ADGRV1: variants seen among roughly 807,000 people sequenced by gnomAD.
The protein encoded by ADGRV1 is G-protein coupled receptor 98.
ADGRV1 carries 359 observed loss-of-function variants against 596.2 expected under a neutral mutation model. That is an observed-to-expected ratio of 0.60 (90% confidence interval 0.55 to 0.66). The LOEUF (loss-of-function observed/expected upper bound fraction) is 0.66. Ranked by LOEUF, ADGRV1 falls within the 30% of genes least tolerant of loss-of-function variation. ADGRV1 has a pLI of 0.00. For missense variants in ADGRV1, 7,274 were observed against 7,575.6 expected (o/e 0.96, Z 1.48); for synonymous variants, 2,681 against 2,679.2 (o/e 1.00, Z -0.02).
intron 1 of ADGRV1, among the ~76,000 whole-genome samples, chr5:90,591,600 T>C (rs1332955219): frequency 1.3e-5 from 2 of 152,154 alleles, no homozygotes; most frequent in African/African-American, 2.4e-5. Context: ...GCATAATTGC[T>C]AATGGCTCAA....
intron 37 of ADGRV1, among the ~76,000 whole-genome samples, chr5:90,705,833 T>A (rs769598773): frequency 6.6e-5 from 10 of 151,864 alleles, no homozygotes; most frequent in Non-Finnish European, 1.3e-4. Flanking sequence ...GTGGGTCTAC[T>A]AATCTACACT....
chr5:90,961,612 T>G (rs1195228705), intron 83 of ADGRV1, among the ~76,000 whole-genome samples: 1 of 151,438 alleles, frequency 6.6e-6, no homozygotes, highest in Non-Finnish European at 1.5e-5. Context: ...CACTGAGAAT[T>G]GAGGTTTATA....
chr5:90,621,856 T>A (rs1008813946), intron 4 of ADGRV1, among the ~76,000 whole-genome samples: 2 of 152,188 alleles, frequency 1.3e-5, no homozygotes, highest in African/African-American at 4.8e-5. Context: ...ATAGCAACAT[T>A]TACTGTGCCC....
In ADGRV1 at chr5:90,875,734, G is replaced by C. The variant is rs568124408; in HGVS notation, c.17856+11877G>C. 1.4e-4 allele frequency among the ~76,000 whole-genome samples: 22 copies of C among 152,274 alleles called. No homozygotes were observed. The South Asian group carries it at 3.9e-3, about 27-fold the overall frequency. On this transcript the variant is annotated intron_variant, in intron 83 of 89. Coordinates refer to ENST00000405460, the MANE Select transcript of ADGRV1 (RefSeq NM_032119.4). ...AGAATTGGCTCTTCAAGCAGCTTTA[G>C]TAACTTATTAAGAAGCAGGTTTGGA...
chr5:90,579,216 C>T (rs1175477749), intron 1 of ADGRV1, among the ~76,000 whole-genome samples: 1 of 152,166 alleles, frequency 6.6e-6, no homozygotes, highest in Non-Finnish European at 1.5e-5. Flanking sequence ...GATTTTAGAT[C>T]TTCCCTGCTT....
chr5:90,810,131 G>C, intron 73 of ADGRV1, 102 bp from the exon 74 acceptor site: 1 of 918,744 alleles, frequency 1.1e-6, no homozygotes, highest in South Asian at 1.9e-5. Context: ...TTAAGTTGCT[G>C]CCCTCATGAG....
chr5:91,064,668 A>C (rs78998432), intron 85 of ADGRV1, among the ~76,000 whole-genome samples: 3,025 of 152,338 alleles, frequency 0.02, 118 homozygotes, highest in African/African-American at 0.07. Context: ...TTTAGAATGT[A>C]GTTGATTCCC....
chr5:90,731,591 G>A (rs1288172921), intron 50 of ADGRV1, among the ~76,000 whole-genome samples: 1 of 152,196 alleles, frequency 6.6e-6, no homozygotes, highest in East Asian at 1.9e-4. Context: ...AGGCAGAAGT[G>A]TTTATAGCAT....
Position 90,779,063 on chromosome 5 carries a change from T to G in ADGRV1, c.13048T>G (p.Ser4350Ala). Residue 4350 changes from serine (S) to alanine (A), a missense_variant, in exon 64 of 90, where the codon TCT (serine) becomes GCT (alanine). By Grantham distance (99) the Ser-to-Ala change is moderately conservative. Around this residue, in one of 5 missense-constraint regions of ADGRV1, gnomAD observed 3,643 missense variants for 3,809.2 expected, o/e 0.96. Transcript: ENST00000405460. ...DDYPEGPEEF[S>A]LTITKVELQG... Reference sequence around the variant, plus strand: ...CTATCCTGAAGGCCCAGAGGAATTTTCTCTAACAATTACAAAGGTGGAACT... The same window carrying G: ...CTATCCTGAAGGCCCAGAGGAATTTGCTCTAACAATTACAAAGGTGGAACT... 1 of 1,612,564 alleles carries G rather than the reference T, an allele frequency of 6.2e-7. No homozygotes were observed. The highest frequency in any genetic ancestry group is 8.5e-7 in the Non-Finnish European group (1 of 1,178,858).
chr5:90,707,340 G>A (rs1459511639), intron 38 of ADGRV1, among the ~76,000 whole-genome samples: 2 of 152,196 alleles, frequency 1.3e-5, no homozygotes, highest in African/African-American at 2.4e-5. Flanking sequence ...GATAGGGGAA[G>A]GGAAAGAGGG....
At chr5:90,809,400 C>T (rs1047605371) in intron 73 of ADGRV1, among the ~76,000 whole-genome samples, 8 of 151,496 alleles carry the variant, frequency 5.3e-5, no homozygotes, top group Middle Eastern at 3.4e-3. Flanking sequence ...TTATAGATGA[C>T]GAAAGTCATA....
chr5:90,674,144 A>C lies in ADGRV1; in HGVS notation c.5020A>C (p.Lys1674Gln), dbSNP rs1475785822. The stretch of plus-strand genomic sequence containing the variant: ...GGTTTCTGCAATTCCTGGAGATGGG[A>C]AGCTAGGCTCAACTCCTACCAGTGG... Reference protein sequence around the residue: ...TLVSAIPGDGKLGSTPTSGAS... With the variant: ...TLVSAIPGDGQLGSTPTSGAS... The change falls in exon 23 of 90, where the codon AAG becomes CAG. Residue 1674 changes from lysine (K) to glutamine (Q), a missense_variant. Around this residue, in one of 5 missense-constraint regions of ADGRV1, gnomAD observed 3,643 missense variants for 3,809.2 expected, o/e 0.96. Transcript: ENST00000405460. 6.2e-7 allele frequency: 1 copy of C among 1,613,244 alleles called. No homozygotes were observed. The highest frequency in any genetic ancestry group is 8.5e-7 in the Non-Finnish European group (1 of 1,179,356).
At chr5:90,794,845 G>T (rs565677176) in intron 70 of ADGRV1, among the ~76,000 whole-genome samples, 4 of 152,204 alleles carry the variant, frequency 2.6e-5, no homozygotes, top group African/African-American at 9.6e-5. Flanking sequence ...CCGAAGCAGG[G>T]TAGGGTGACG....
intron 83 of ADGRV1, among the ~76,000 whole-genome samples, chr5:90,935,168 A>T (rs1054771575): frequency 6.6e-6 from 1 of 152,224 alleles, no homozygotes; most frequent in Non-Finnish European, 1.5e-5. Context: ...CAGTGAAAGT[A>T]TTAAGCATAT....
intron 84 of ADGRV1, among the ~76,000 whole-genome samples, chr5:90,979,911 T>A (rs1357902944): frequency 6.6e-6 from 1 of 152,178 alleles, no homozygotes; most frequent in African/African-American, 2.4e-5. Context: ...TGTAGATTTT[T>A]AAAAAATATA....
At chr5:90,845,840 T>C (rs1430631730) in intron 78 of ADGRV1, among the ~76,000 whole-genome samples, 1 of 152,236 alleles carries the variant, frequency 6.6e-6, no homozygotes, top group Non-Finnish European at 1.5e-5. Context: ...CTCTGAGTTC[T>C]GGGAGATTTT....
At chr5:90,688,293 G>A (rs1255219670) in intron 29 of ADGRV1, among the ~76,000 whole-genome samples, 4 of 152,172 alleles carry the variant, frequency 2.6e-5, no homozygotes, top group Non-Finnish European at 1.5e-5. Flanking sequence ...CAGCAATGGG[G>A]AAAGGATTCC....
At chr5:90,958,174 C>T (rs781450163) in intron 83 of ADGRV1, among the ~76,000 whole-genome samples, 13 of 149,656 alleles carry the variant, frequency 8.7e-5, no homozygotes, top group Admixed American at 2.7e-4. Context: ...TCCCCAGCTA[C>T]TTCTGAGGCT....
intron 1 of ADGRV1, among the ~76,000 whole-genome samples, chr5:90,568,192 T>C (rs1755901317): frequency 6.6e-6 from 1 of 152,128 alleles, no homozygotes; most frequent in African/African-American, 2.4e-5. Flanking sequence ...TCTACTTTCT[T>C]AAGGTGGCAG....
Sources: gnomAD v4.1 joint callset for allele counts (sites outside exome capture counted in the v4.1 genomes callset) on GRCh38, gnomAD v4.1.1 for gene constraint, gnomAD v4.1.1 regional missense constraint, MANE v1.5 for transcripts, NCBI Gene and HGNC (gene_info 2026-07-23, HGNC 2026-07-21) for gene names.